The following ARID3B variants were observed in gnomAD, a reference collection of about 807,000 sequenced individuals.
ARID3B encodes AT-rich interaction domain 3B, also known as AT-rich interactive domain-containing protein 3B.
Under a neutral mutation model 51.9 loss-of-function variants are expected in ARID3B, and 10 were observed. That is an observed-to-expected ratio of 0.19 (90% CI 0.12 to 0.33). The LOEUF is 0.33. ARID3B is among the 10% of genes least tolerant of loss of function. The probability of loss-of-function intolerance (pLI) is 1.00; values close to 1 mark genes in which losing one functional copy is unlikely to be tolerated. For synonymous variants in ARID3B, 205 were observed against 279.5 expected (o/e 0.73, Z 2.66); for missense variants, 483 against 716.3 (o/e 0.67, Z 3.72).
chr15:74,579,053 G>C (rs991873506), intron 4 of ARID3B, among the ~76,000 whole-genome samples: 2 of 152,256 alleles, frequency 1.3e-5, no homozygotes, highest in African/African-American at 4.8e-5. Context: ...CACAGAGGAA[G>C]CAGACAGCTC....
chr15:74,543,175 G>A lies in ARID3B; in HGVS notation c.-77-685G>A, dbSNP rs570740366. Among the ~76,000 whole-genome samples, 114 of 152,282 alleles carry A rather than the reference G, an allele frequency of 7.5e-4. 2 individuals are homozygous for A. The South Asian group carries it at 0.023, about 31-fold the overall frequency. On this transcript the variant is annotated intron_variant, in intron 1 of 8. Coordinates refer to ENST00000346246, the MANE Select transcript of ARID3B (RefSeq NM_006465.4). ...CAATTTGAGACTCTTGCCTCCTTGC[G>A]TGTTTCTTTCATGTTGTTGAAATTG...
At position 74,577,735 on chromosome 15, in the gene ARID3B, G is replaced by A. The variant is rs1221119665; in HGVS notation, c.697+4531G>A. Among the ~76,000 whole-genome samples, 4 of 152,050 alleles carry A rather than the reference G, an allele frequency of 2.6e-5. No individual in the cohort carries two copies. In the East Asian group the frequency reaches 7.7e-4, roughly 29 times the overall value. On this transcript the variant is annotated intron_variant, in intron 4 of 8. Transcript: ENST00000346246. ...GTGTGTGTGGAGACGAGGCCCTTATGTTGCCCAGGCTGGTAGCAAATTCCT... is the reference window on the plus strand; with the variant it reads ...GTGTGTGTGGAGACGAGGCCCTTATATTGCCCAGGCTGGTAGCAAATTCCT...
chr15:74,577,459 TA>T (rs938773039), intron 4 of ARID3B, among the ~76,000 whole-genome samples: 2 of 151,924 alleles, frequency 1.3e-5, no homozygotes, highest in African/African-American at 4.8e-5. Context: ...ATCTCAGAAA[TA>T]AAAAAGAAGA....
chr15:74,597,324 G>A lies in ARID3B; in HGVS notation c.*1550G>A, dbSNP rs1441026363. On this transcript the variant is annotated 3_prime_UTR_variant, in exon 9 of 9. Transcript: ENST00000346246. ...ACCACCACTGTGACATGGGGCTGTG[G>A]CAGTGGGAGACACCGCGCGTGGCGT... The A allele has an allele frequency of 5.5e-5, 23 of 415,486 alleles. No homozygotes were observed. Among genetic ancestry groups the A allele is most frequent in the Non-Finnish European group, 5.9e-5 (13 of 220,538 alleles). The allele number at this position is 415,486 out of a possible 1,614,324, so 25.7% of individuals were successfully genotyped here.
intron 2 of ARID3B, among the ~76,000 whole-genome samples, chr15:74,566,578 G>A (rs1439009955): frequency 2.0e-5 from 3 of 151,398 alleles, no homozygotes; most frequent in East Asian, 1.9e-4. Flanking sequence ...ACTCCAGCCC[G>A]GGTGACAGAG....
chr15:74,584,856 A>G (rs973596814), intron 4 of ARID3B, among the ~76,000 whole-genome samples: 2 of 152,186 alleles, frequency 1.3e-5, no homozygotes, highest in Non-Finnish European at 2.9e-5. Flanking sequence ...AAGCCCCAGG[A>G]GTCCCGCCAG....
chr15:74,578,426 C>T (rs1443968526), intron 4 of ARID3B, among the ~76,000 whole-genome samples: 1 of 152,288 alleles, frequency 6.6e-6, no homozygotes, highest in East Asian at 1.9e-4. Flanking sequence ...CCGCCCGCGT[C>T]GGCCTCCTAA....
In ARID3B at chr15:74,584,583, C is replaced by T. The variant is rs567068154; in HGVS notation, c.698-5237C>T. Among the ~76,000 whole-genome samples, 317 of 152,290 alleles carry T rather than the reference C, an allele frequency of 2.1e-3. 5 individuals carry two copies. Among genetic ancestry groups the T allele is most frequent in the East Asian group, 4.1e-3 (21 of 5,182 alleles). ...GTTTGCTTCTGGACTTCCCTGGAAC[C>T]GGCCCATTCTCTGCAATGGGGAGGA... On this transcript the variant is annotated intron_variant, in intron 4 of 8. Transcript: ENST00000346246.
intron 2 of ARID3B, among the ~76,000 whole-genome samples, chr15:74,544,891 C>T (rs896892763): frequency 1.3e-5 from 2 of 152,108 alleles, no homozygotes; most frequent in Non-Finnish European, 2.9e-5. Context: ...GGGGTTTCAC[C>T]GTGTTAGCCA....
At chr15:74,541,483 G>T (rs2061594823) in intron 1 of ARID3B, among the ~76,000 whole-genome samples, 153 bp downstream of exon 1, 2 of 152,266 alleles carry the variant, frequency 1.3e-5, no homozygotes, top group South Asian at 2.1e-4. Context: ...TGAGAGCGCC[G>T]CGGGAGCCCC....
Position 74,544,086 on chromosome 15 carries a change from G to A in ARID3B, c.150G>A (p.Pro50=), listed in dbSNP as rs142836529. The A allele has an allele frequency of 3.9e-5, 63 of 1,613,840 alleles. No homozygotes were observed. The African/African-American group carries it at 6.5e-4, about 17-fold the overall frequency. The change falls in exon 2 of 9, where the codon CCG becomes CCA. Residue 50 remains proline (P), a synonymous_variant. Transcript: ENST00000346246. ...ATGCCCAAAAGCTGGTCACACAGCC[G>A]ACTCTCCTTTCCGCCACAGCTGGGA... ...FLYAQKLVTQ[P]TLLSATAGRP...
intron 4 of ARID3B, among the ~76,000 whole-genome samples, chr15:74,585,171 C>T (rs1402539458): frequency 6.6e-6 from 1 of 152,224 alleles, no homozygotes; most frequent in African/African-American, 2.4e-5. Flanking sequence ...GAGATTTGGT[C>T]TCCTGTAGGG....
intron 2 of ARID3B, among the ~76,000 whole-genome samples, chr15:74,556,836 G>A (rs1017850894): frequency 3.3e-4 from 48 of 146,586 alleles, no homozygotes; most frequent in African/African-American, 1.2e-3. Context: ...GTGCAGAGGT[G>A]CAATCTCGGC....
At chr15:74,589,466 G>A (rs987374143) in intron 4 of ARID3B, among the ~76,000 whole-genome samples, 5 of 152,088 alleles carry the variant, frequency 3.3e-5, no homozygotes, top group Non-Finnish European at 7.4e-5. Context: ...GAGATAAGTC[G>A]CCAGATCACT....
chr15:74,581,271 T>C (rs1263925449), intron 4 of ARID3B, among the ~76,000 whole-genome samples: 1 of 152,242 alleles, frequency 6.6e-6, no homozygotes, highest in African/African-American at 2.4e-5. Context: ...GAATTTACTG[T>C]GGGAAAAGGG....
chr15:74,547,188 G>A (rs112033135), intron 2 of ARID3B, among the ~76,000 whole-genome samples: 5 of 140,370 alleles, frequency 3.6e-5, no homozygotes, highest in Non-Finnish European at 7.6e-5. Context: ...GACACAGAGC[G>A]CACTCTGTTG....
Position 74,597,565 on chromosome 15 carries a change from C to T in ARID3B, c.*1791C>T, listed in dbSNP as rs1249638427. 1 of 535,806 alleles carries T rather than the reference C, an allele frequency of 1.9e-6. No individual in the cohort carries two copies. The allele number at this position is 535,806 out of a possible 1,614,324, so 33.2% of individuals were successfully genotyped here. On this transcript the variant is annotated 3_prime_UTR_variant, in exon 9 of 9. Coordinates refer to ENST00000346246, the MANE Select transcript of ARID3B (RefSeq NM_006465.4). ...CCCGAGGGCTGACCTCCTCTGGCCT[C>T]AGCCTGCAGGGTGTGGGCAGAGAAG...
chr15:74,573,100 T>C (rs2061724949), intron 3 of ARID3B, 32 bp from the exon 4 acceptor site: 2 of 1,611,774 alleles, frequency 1.2e-6, no homozygotes, highest in Non-Finnish European at 1.7e-6. Context: ...AATTTTTCAC[T>C]GTGTGTTTTT....
rs767113498 is a variant in ARID3B, at chr15:74,544,059, G to A, written c.123G>A (p.Leu41=). ...QGQQMREAQF[L]YAQKLVTQPT... ...AGCAGATGAGAGAAGCCCAGTTCTT[G>A]TATGCCCAAAAGCTGGTCACACAGC... The change falls in exon 2 of 9, where the codon TTG becomes TTA. Residue 41 remains leucine, a synonymous_variant. Coordinates refer to ENST00000346246, the MANE Select transcript of ARID3B (RefSeq NM_006465.4). 24 of 1,613,838 alleles carry A rather than the reference G, an allele frequency of 1.5e-5. No individual in the cohort carries two copies. In the East Asian group the frequency reaches 5.1e-4, roughly 34 times the overall value.
Sources: allele counts gnomAD v4.1 joint callset (sites outside exome capture counted in the v4.1 genomes callset), GRCh38; gene constraint gnomAD v4.1.1; transcripts MANE v1.5; gene names NCBI Gene and HGNC (gene_info 2026-07-23, HGNC 2026-07-21).